GABRB2: variants seen among roughly 807,000 people sequenced by gnomAD.
GABRB2 encodes the protein gamma-aminobutyric acid receptor subunit beta-2.
In GABRB2, 16 loss-of-function variants were observed where a neutral mutation model predicts 54.7. The ratio of observed to expected loss-of-function variants is 0.29; its 90% CI spans 0.20 to 0.44. The LOEUF (loss-of-function observed/expected upper bound fraction) is 0.44, where lower values mean the gene tolerates loss of function less well. GABRB2 is among the 20% of genes least tolerant of loss of function. The pLI is 1.00. For synonymous variants in GABRB2, 244 were observed against 233.8 expected (o/e 1.04, Z -0.40); for missense variants, 355 against 644.0 (o/e 0.55, Z 4.86).
chr5:161,335,189 A>G (rs1162095199), intron 6 of GABRB2, among the ~76,000 whole-genome samples: 1 of 152,060 alleles, frequency 6.6e-6, no homozygotes, highest in African/African-American at 2.4e-5. Flanking sequence ...TTGTTAGGAC[A>G]ATTTGGGACA....
At chr5:161,424,653 T>C (rs1756946426) in intron 4 of GABRB2, among the ~76,000 whole-genome samples, 1 of 152,116 alleles carries the variant, frequency 6.6e-6, no homozygotes, top group Non-Finnish European at 1.5e-5. Flanking sequence ...TATGGAGATA[T>C]ACAAGGAAAT....
intron 9 of GABRB2, among the ~76,000 whole-genome samples, chr5:161,318,665 A>G (rs1030791235): frequency 4.6e-5 from 7 of 151,980 alleles, no homozygotes; most frequent in African/African-American, 1.7e-4. Context: ...CACTTTCTGG[A>G]TTCCTCACTT....
chr5:161,402,966 C>G (rs1304581172), intron 5 of GABRB2, among the ~76,000 whole-genome samples: 3 of 152,016 alleles, frequency 2.0e-5, no homozygotes, highest in African/African-American at 7.2e-5. Flanking sequence ...TTAAAAAATC[C>G]CCAGCGATTT....
At chr5:161,436,666 A>T (rs945181768) in intron 4 of GABRB2, among the ~76,000 whole-genome samples, 2 of 152,204 alleles carry the variant, frequency 1.3e-5, no homozygotes, top group South Asian at 4.1e-4. Flanking sequence ...ATATACTTTC[A>T]TAAGAACTAA....
At chr5:161,400,863 C>T (rs937441289) in intron 5 of GABRB2, among the ~76,000 whole-genome samples, 13 of 152,042 alleles carry the variant, frequency 8.6e-5, no homozygotes, top group East Asian at 1.9e-4. Flanking sequence ...GCTTGTTACA[C>T]GTGAGGGATT....
chr5:161,505,845 A>G (rs1759589631), intron 3 of GABRB2, among the ~76,000 whole-genome samples: 1 of 152,192 alleles, frequency 6.6e-6, no homozygotes, highest in South Asian at 2.1e-4. Context: ...TATCAGACTT[A>G]ATATTTGGAA....
chr5:161,454,908 C>T (rs1757904181), intron 4 of GABRB2, among the ~76,000 whole-genome samples: 1 of 152,050 alleles, frequency 6.6e-6, no homozygotes, highest in Non-Finnish European at 1.5e-5. Flanking sequence ...GTTCCCAGAG[C>T]CCCTGGAATG....
intron 3 of GABRB2, among the ~76,000 whole-genome samples, chr5:161,465,152 G>A (rs541337430): frequency 3.9e-5 from 6 of 152,102 alleles, no homozygotes; most frequent in African/African-American, 1.2e-4. Context: ...TGAACTTGAG[G>A]GAATCCTTTC....
At chr5:161,312,018 TTGTG>T (rs3222105) in intron 9 of GABRB2, among the ~76,000 whole-genome samples, 129 of 149,018 alleles carry the variant, frequency 8.7e-4, no homozygotes, top group African/African-American at 2.9e-3. Context: ...CAGTAATGTT[TTGTG>T]TGTGTGTGTG....
chr5:161,327,266 T>A (rs567573292), intron 8 of GABRB2, among the ~76,000 whole-genome samples: 1 of 152,342 alleles, frequency 6.6e-6, no homozygotes, highest in African/African-American at 2.4e-5. Context: ...AAAGTGACAC[T>A]TGCTTATAAA....
intron 5 of GABRB2, among the ~76,000 whole-genome samples, chr5:161,357,130 A>G (rs1009052990): frequency 2.0e-5 from 3 of 152,194 alleles, no homozygotes; most frequent in Non-Finnish European, 4.4e-5. Context: ...GACAAATGAA[A>G]AAGTAGAGCA....
chr5:161,334,607 C>G, intron 7 of GABRB2, 145 bp downstream of exon 7: 2 of 729,108 alleles, frequency 2.7e-6, no homozygotes, highest in Non-Finnish European at 4.5e-6. Context: ...TCAGATCACC[C>G]AAAGTCTCAT....
chr5:161,514,318 A>T (rs1280471018), intron 3 of GABRB2, among the ~76,000 whole-genome samples: 1 of 152,102 alleles, frequency 6.6e-6, no homozygotes, highest in Non-Finnish European at 1.5e-5. Context: ...CTCCATCCAT[A>T]AGCTACTCTC....
At chr5:161,536,537 A>G (rs1393774399) in intron 3 of GABRB2, among the ~76,000 whole-genome samples, 34 of 152,176 alleles carry the variant, frequency 2.2e-4, no homozygotes, top group Admixed American at 2.2e-3. Flanking sequence ...TCTTCAGGCA[A>G]GCCTTTAGTT....
chr5:161,541,100 C>A (rs570304924), intron 3 of GABRB2, among the ~76,000 whole-genome samples: 68 of 152,164 alleles, frequency 4.5e-4, no homozygotes, highest in African/African-American at 1.6e-3. Flanking sequence ...CCGGCCTCAG[C>A]CTCCCAAACT....
At position 161,326,430 on chromosome 5, in the gene GABRB2, C is replaced by T; in HGVS notation, c.1129G>A (p.Asp377Asn). The change falls in exon 9 of 10, where the codon GAC (aspartate) becomes AAC (asparagine). Residue 377 changes from aspartate (D) to asparagine (N), a missense_variant. Asp to Asn is a conservative substitution (Grantham distance 23). This residue lies in a region of GABRB2 where 201 missense variants were observed against 228.1 expected (regional missense o/e 0.88). Coordinates refer to ENST00000393959, the MANE Select transcript of GABRB2 (RefSeq NM_001371727.1). ...GTTGGGGAGAGGTTTCCAGTAGGGTCCCACAAGGATCGATATTGGGTCCCA... is the reference window on the plus strand; with the variant it reads ...GTTGGGGAGAGGTTTCCAGTAGGGTTCCACAAGGATCGATATTGGGTCCCA... ...QNGTQYRSLW[D>N]PTGNLSPTRR... 6.2e-7 allele frequency: 1 copy of T among 1,613,468 alleles called. No individual in the cohort carries two copies. The highest frequency in any genetic ancestry group is 8.5e-7 in the Non-Finnish European group (1 of 1,179,640).
At chr5:161,381,008 A>G (rs1364342241) in intron 5 of GABRB2, among the ~76,000 whole-genome samples, 1 of 152,216 alleles carries the variant, frequency 6.6e-6, no homozygotes, top group Admixed American at 6.5e-5. Context: ...AAAAACATGC[A>G]GAGACACAGA....
chr5:161,341,516 C>A (rs750528177), intron 5 of GABRB2, among the ~76,000 whole-genome samples: 51 of 151,772 alleles, frequency 3.4e-4, no homozygotes, highest in Non-Finnish European at 5.6e-4. Context: ...CACTGGCATT[C>A]ACCTGAAGAA....
intron 4 of GABRB2, among the ~76,000 whole-genome samples, chr5:161,440,391 G>T (rs1334269001): frequency 2.0e-5 from 3 of 152,042 alleles, no homozygotes; most frequent in African/African-American, 7.2e-5. Context: ...ATAAATAAAT[G>T]AAAGAAGGTA....
Sources: gnomAD v4.1 joint callset for allele counts (sites outside exome capture counted in the v4.1 genomes callset) on GRCh38, gnomAD v4.1.1 for gene constraint, gnomAD v4.1.1 regional missense constraint, MANE v1.5 for transcripts, NCBI Gene and HGNC (gene_info 2026-07-23, HGNC 2026-07-21) for gene names.